Variants in SGCD observed in about 807,000 individuals in gnomAD.
SGCD encodes the protein delta-sarcoglycan.
SGCD carries 18 observed loss-of-function variants against 36.6 expected under a neutral mutation model. That is an observed-to-expected ratio of 0.49 (90% CI 0.34 to 0.73). The LOEUF (loss-of-function observed/expected upper bound fraction) is 0.73. SGCD is among the 30% of genes least tolerant of loss of function. SGCD has a pLI of 0.01. For synonymous variants in SGCD, 133 were observed against 130.6 expected (o/e 1.02, Z -0.12); for missense variants, 387 against 346.7 (o/e 1.12, Z -0.92).
chr5:155,733,673 C>T, the SGCD span, among the ~76,000 whole-genome samples: 16 of 151,084 alleles, frequency 1.1e-4, no homozygotes, highest in African/African-American at 4.9e-5. Flanking sequence ...AACCTACTTT[C>T]CTGGGATGAC....
At chr5:156,306,995 C>T (rs925362988) in intron 3 of SGCD, among the ~76,000 whole-genome samples, 1 of 150,298 alleles carries the variant, frequency 6.7e-6, no homozygotes, top group East Asian at 1.9e-4. Context: ...TTAATATAAC[C>T]ACCTGTGGTG....
chr5:156,610,594 C>T (rs937006872), intron 6 of SGCD, among the ~76,000 whole-genome samples: 8 of 152,202 alleles, frequency 5.3e-5, no homozygotes, highest in South Asian at 4.1e-4. Context: ...TTTAAGTTTG[C>T]GGAGGTTTCT....
At chr5:156,413,300 G>C (rs1255911004) in intron 3 of SGCD, among the ~76,000 whole-genome samples, 1 of 152,202 alleles carries the variant, frequency 6.6e-6, no homozygotes, top group South Asian at 2.1e-4. Context: ...CACTTATGCT[G>C]AGATGCACGA....
intron 3 of SGCD, among the ~76,000 whole-genome samples, chr5:156,455,162 A>G (rs1754198544): frequency 6.6e-6 from 1 of 152,176 alleles, no homozygotes. Context: ...ATAAAGATAT[A>G]CCAAAGTCCT....
chr5:156,544,921 C>G (rs1030477697), intron 4 of SGCD, among the ~76,000 whole-genome samples: 3 of 152,102 alleles, frequency 2.0e-5, no homozygotes, highest in Admixed American at 2.0e-4. Context: ...GCCTAAGGTT[C>G]CATAGCTAGT....
chr5:156,032,092 A>G (rs1561689130), intron 1 of SGCD, among the ~76,000 whole-genome samples: 2 of 152,160 alleles, frequency 1.3e-5, no homozygotes, highest in African/African-American at 4.8e-5. Context: ...GCATATGAAC[A>G]CGTGTATAGA....
intron 4 of SGCD, among the ~76,000 whole-genome samples, chr5:156,532,626 A>G (rs1260211541): frequency 6.6e-6 from 1 of 152,002 alleles, no homozygotes; most frequent in Non-Finnish European, 1.5e-5. Context: ...ATGTCCGGCT[A>G]ATTTTTTTAT....
At chr5:156,273,425 A>T (rs1226758170) in intron 3 of SGCD, among the ~76,000 whole-genome samples, 1 of 152,090 alleles carries the variant, frequency 6.6e-6, no homozygotes, top group Non-Finnish European at 1.5e-5. Flanking sequence ...CAACATGGAT[A>T]TTTTGCTCAC....
the SGCD span, among the ~76,000 whole-genome samples, chr5:155,807,821 A>G: frequency 2.6e-5 from 4 of 152,242 alleles, no homozygotes; most frequent in South Asian, 8.3e-4. Context: ...ACACTCCAAG[A>G]AAGACTCTTT....
intron 3 of SGCD, among the ~76,000 whole-genome samples, chr5:156,388,009 A>G (rs1315845828): frequency 6.6e-6 from 1 of 152,224 alleles, no homozygotes; most frequent in Non-Finnish European, 1.5e-5. Context: ...CTCAATAGGT[A>G]TGAAGCTGTG....
chr5:155,911,821 T>TA (rs781580069), intron 1 of SGCD, among the ~76,000 whole-genome samples: 11 of 152,090 alleles, frequency 7.2e-5, no homozygotes, highest in Non-Finnish European at 1.3e-4. Context: ...ACTCCAGTGT[T>TA]ACTTTTTGTC....
At chr5:155,760,165 T>C in the SGCD span, among the ~76,000 whole-genome samples, 3 of 141,172 alleles carry the variant, frequency 2.1e-5, no homozygotes, top group African/African-American at 2.7e-5. Flanking sequence ...CTCACCATCA[T>C]CCTCACCAAC....
At chr5:156,316,315 TAATTA>T (rs1433069566) in intron 3 of SGCD, among the ~76,000 whole-genome samples, 2 of 151,928 alleles carry the variant, frequency 1.3e-5, no homozygotes, top group Non-Finnish European at 2.9e-5. Flanking sequence ...GAAGAAGACA[TAATTA>T]AATAGAAAAT....
chr5:156,751,062 C>G lies in SGCD; in HGVS notation c.576-6519C>G, dbSNP rs188581970. Among the ~76,000 whole-genome samples the G allele has an allele frequency of 2.3e-3, 351 of 152,226 alleles. 2 individuals carry two copies. Among genetic ancestry groups the G allele is most frequent in the African/African-American group, 8.2e-3 (342 of 41,534 alleles). The stretch of plus-strand genomic sequence containing the variant: ...AAGACCCAAGAATCGCTAAGACATT[C>G]TTGAACAAGAATAAGGTAAGAGGAT... On this transcript the variant is annotated intron_variant, in intron 7 of 8. Coordinates refer to ENST00000337851, the MANE Select transcript of SGCD (RefSeq NM_000337.6).
intron 1 of SGCD, among the ~76,000 whole-genome samples, chr5:155,924,861 G>T (rs1357947292): frequency 6.6e-6 from 1 of 152,178 alleles, no homozygotes; most frequent in African/African-American, 2.4e-5. Flanking sequence ...TTTGTAAAAT[G>T]CTGTTTGTGT....
intron 3 of SGCD, among the ~76,000 whole-genome samples, chr5:156,498,865 C>T (rs1756318732): frequency 6.6e-6 from 1 of 151,918 alleles, no homozygotes; most frequent in Non-Finnish European, 1.5e-5. Context: ...GTGACTGCAA[C>T]ATTTTATGTT....
At chr5:156,713,418 G>GGGGT (rs1561871269) in intron 7 of SGCD, among the ~76,000 whole-genome samples, 1 of 144,344 alleles carries the variant, frequency 6.9e-6, no homozygotes, top group Non-Finnish European at 1.5e-5. Flanking sequence ...GTCGGGGGGG[G>GGGGT]CGTTATAGGA....
At chr5:156,438,541 C>G (rs951129253) in intron 3 of SGCD, among the ~76,000 whole-genome samples, 5 of 152,150 alleles carry the variant, frequency 3.3e-5, no homozygotes, top group Middle Eastern at 3.2e-3. Context: ...AACTCCACTT[C>G]AACTCCCACC....
At chr5:156,001,036 C>T (rs1254867676) in intron 1 of SGCD, among the ~76,000 whole-genome samples, 1 of 152,098 alleles carries the variant, frequency 6.6e-6, no homozygotes, top group Non-Finnish European at 1.5e-5. Context: ...CAAGGGATAT[C>T]CATCATTTAG....
Sources: gnomAD v4.1 joint callset for allele counts (sites outside exome capture counted in the v4.1 genomes callset) on GRCh38, gnomAD v4.1.1 for gene constraint, MANE v1.5 for transcripts, NCBI Gene and HGNC (gene_info 2026-07-23, HGNC 2026-07-21) for gene names.